SUPT3H: variants seen among roughly 807,000 people sequenced by gnomAD.
SUPT3H encodes transcription initiation protein SPT3 homolog.
Under a neutral mutation model 44.3 loss-of-function variants are expected in SUPT3H, and 44 were observed. The ratio of observed to expected loss-of-function variants is 0.99; its 90% CI spans 0.78 to 1.28. The LOEUF is 1.28. Among genes scored for constraint, SUPT3H ranks in the 50% most tolerant of loss-of-function variants. The probability of loss-of-function intolerance (pLI) is 0.00; values close to 1 mark genes in which losing one functional copy is unlikely to be tolerated. For synonymous variants in SUPT3H, 124 were observed against 125.6 expected (o/e 0.99, Z 0.09); for missense variants, 380 against 387.1 (o/e 0.98, Z 0.15).
chr6:45,274,335 C>T (rs1364902187), intron 2 of SUPT3H, among the ~76,000 whole-genome samples: 1 of 152,114 alleles, frequency 6.6e-6, no homozygotes, highest in Non-Finnish European at 1.5e-5. Context: ...CTTGTTATAT[C>T]TAAGAATGCT....
chr6:44,829,688 A>G lies in SUPT3H; in HGVS notation c.*128T>C. Reference sequence around the variant, plus strand: ...AAAGAGGAGGAGTCAGCAAGTTGAAAGTCACAACAGACCAGCCCACTCCCT... The same window carrying G: ...AAAGAGGAGGAGTCAGCAAGTTGAAGGTCACAACAGACCAGCCCACTCCCT... On this transcript the variant is annotated 3_prime_UTR_variant, in exon 11 of 11. Coordinates refer to ENST00000371459, the MANE Select transcript of SUPT3H (RefSeq NM_003599.4). 2.9e-6 allele frequency: 3 copies of G among 1,034,512 alleles called. No individual in the cohort carries two copies. In the South Asian group the frequency reaches 4.6e-5, roughly 16 times the overall value. The allele number at this position is 1,034,512 out of a possible 1,614,324, so 64.1% of individuals were successfully genotyped here.
At chr6:45,254,154 T>C (rs759002624) in intron 2 of SUPT3H, among the ~76,000 whole-genome samples, 8 of 152,080 alleles carry the variant, frequency 5.3e-5, no homozygotes, top group Non-Finnish European at 1.2e-4. Context: ...CTGGGGCAGA[T>C]AGTTACTAGC....
rs536162570 is a variant in SUPT3H, at chr6:45,355,782, C to G, written c.101+9419G>C. ...GGCAGAATAAAAAATACTATCAGTG[C>G]TTGACTTAGAAATGGGTTGTATTCC... On this transcript the variant is annotated intron_variant, in intron 2 of 10. Coordinates refer to ENST00000371459, the MANE Select transcript of SUPT3H (RefSeq NM_003599.4). 6.6e-5 allele frequency among the ~76,000 whole-genome samples: 10 copies of G among 152,200 alleles called. No homozygotes were observed. In the South Asian group the frequency reaches 2.1e-3, roughly 32 times the overall value.
intron 10 of SUPT3H, among the ~76,000 whole-genome samples, chr6:44,919,560 A>G (rs1033064577): frequency 3.3e-5 from 5 of 151,630 alleles, no homozygotes; most frequent in African/African-American, 1.2e-4. Context: ...TGAATCTTTA[A>G]ATTTAATGCA....
chr6:45,203,265 A>T (rs1475080919), intron 2 of SUPT3H, among the ~76,000 whole-genome samples: 1 of 152,192 alleles, frequency 6.6e-6, no homozygotes, highest in African/African-American at 2.4e-5. Context: ...TAAAGTTTAT[A>T]AACGGCATTA....
intron 2 of SUPT3H, among the ~76,000 whole-genome samples, chr6:45,275,934 A>G (rs1318360034): frequency 2.0e-5 from 3 of 152,138 alleles, no homozygotes; most frequent in Non-Finnish European, 4.4e-5. Context: ...TCTACTAACT[A>G]TCTAGTTCCC....
chr6:44,953,034 T>C (rs562540877), intron 9 of SUPT3H, among the ~76,000 whole-genome samples: 1 of 152,254 alleles, frequency 6.6e-6, no homozygotes, highest in African/African-American at 2.4e-5. Flanking sequence ...CCCATAAAAA[T>C]AAGAAATGCC....
At chr6:45,224,280 T>C (rs901185809) in intron 2 of SUPT3H, among the ~76,000 whole-genome samples, 1 of 152,160 alleles carries the variant, frequency 6.6e-6, no homozygotes, top group East Asian at 1.9e-4. Flanking sequence ...CTAAAATGCA[T>C]AAAATTCTCT....
chr6:45,269,905 C>T (rs1043952386), intron 2 of SUPT3H, among the ~76,000 whole-genome samples: 1 of 152,142 alleles, frequency 6.6e-6, no homozygotes, highest in African/African-American at 2.4e-5. Flanking sequence ...AAAAACAAAC[C>T]CTGTCCTTTA....
intron 2 of SUPT3H, among the ~76,000 whole-genome samples, chr6:45,355,892 A>G (rs149300403): frequency 6.6e-6 from 1 of 152,226 alleles, no homozygotes; most frequent in Non-Finnish European, 1.5e-5. Context: ...TGCCAGGCCA[A>G]CCCCAAAAAT....
At chr6:44,892,770 C>G (rs997574961) in intron 10 of SUPT3H, among the ~76,000 whole-genome samples, 1 of 152,100 alleles carries the variant, frequency 6.6e-6, no homozygotes, top group South Asian at 2.1e-4. Flanking sequence ...AGTGGTAGAG[C>G]CCAGGACTGA....
intron 2 of SUPT3H, among the ~76,000 whole-genome samples, chr6:45,211,851 TA>T (rs200790429): frequency 0.13 from 16,554 of 131,922 alleles, 1,254 homozygotes; most frequent in East Asian, 0.27. Context: ...CCGTCTCAAC[TA>T]AAAAAAAAAA....
intron 5 of SUPT3H, among the ~76,000 whole-genome samples, chr6:45,014,144 T>A (rs1398514724): frequency 1.3e-5 from 2 of 152,112 alleles, no homozygotes; most frequent in African/African-American, 2.4e-5. Flanking sequence ...TTATAATTTC[T>A]ATCAACTGTT....
chr6:45,135,474 G>T (rs564698824), intron 2 of SUPT3H, among the ~76,000 whole-genome samples: 2 of 152,060 alleles, frequency 1.3e-5, no homozygotes, highest in Admixed American at 1.3e-4. Context: ...TGGTTAAAAG[G>T]CCATGTAGCA....
At chr6:45,006,553 C>A (rs1275282608) in intron 5 of SUPT3H, among the ~76,000 whole-genome samples, 1 of 152,030 alleles carries the variant, frequency 6.6e-6, no homozygotes, top group African/African-American at 2.4e-5. Flanking sequence ...TTTTAGACAA[C>A]AGTTTCCATT....
chr6:45,128,589 C>T (rs1426639138), intron 2 of SUPT3H, among the ~76,000 whole-genome samples: 192 of 118,094 alleles, frequency 1.6e-3, no homozygotes, highest in Non-Finnish European at 2.4e-3. Context: ...CACACATACA[C>T]ATATATATAT....
At chr6:45,345,037 T>A (rs1334867363) in intron 2 of SUPT3H, among the ~76,000 whole-genome samples, 4 of 152,184 alleles carry the variant, frequency 2.6e-5, no homozygotes, top group Admixed American at 2.0e-4. Context: ...ACAAAAAGGC[T>A]GTACATTAAA....
At chr6:45,228,610 T>C (rs1020274036) in intron 2 of SUPT3H, among the ~76,000 whole-genome samples, 1 of 152,112 alleles carries the variant, frequency 6.6e-6, no homozygotes, top group Non-Finnish European at 1.5e-5. Context: ...CACACACTAT[T>C]GGTTTTCTCT....
At chr6:44,877,871 G>A (rs1292365711) in intron 10 of SUPT3H, among the ~76,000 whole-genome samples, 1 of 152,122 alleles carries the variant, frequency 6.6e-6, no homozygotes, top group Non-Finnish European at 1.5e-5. Context: ...TGTGATGTTG[G>A]TATTTTTCTC....
Sources: allele counts gnomAD v4.1 joint callset (sites outside exome capture counted in the v4.1 genomes callset), GRCh38; gene constraint gnomAD v4.1.1; transcripts MANE v1.5; gene names NCBI Gene and HGNC (gene_info 2026-07-23, HGNC 2026-07-21).